AKR7A2: variants seen among roughly 807,000 people sequenced by gnomAD.
The protein encoded by AKR7A2 is aflatoxin B1 aldehyde reductase member 2.
A neutral mutation model predicts 37.3 loss-of-function variants in AKR7A2; 29 were observed. The observed-to-expected ratio is 0.78, with a 90% confidence interval of 0.58 to 1.06. The LOEUF is 1.06. Among genes scored for constraint, AKR7A2 ranks in the 50% least tolerant of loss-of-function variants. The probability of loss-of-function intolerance (pLI) is 0.00; values close to 1 mark genes in which losing one functional copy is unlikely to be tolerated. For missense variants in AKR7A2, 529 were observed against 497.9 expected (o/e 1.06, Z -0.59); for synonymous variants, 228 against 217.8 (o/e 1.05, Z -0.41).
chr1:19,302,886 T>C (rs556522570), downstream of AKR7A2, among the ~76,000 whole-genome samples: 1 of 152,138 alleles, frequency 6.6e-6, no homozygotes, highest in South Asian at 2.1e-4. Flanking sequence ...AGAGACAGGG[T>C]TTCACCATGT....
At position 19,311,940 on chromosome 1, in the gene AKR7A2, G is replaced by A. The variant is rs572987774; in HGVS notation, c.185C>T (p.Ala62Val). ...TTCGGTGTGGCCGCGCTCCAGAAAG[G>A]CGCGCACGGCCGCGGCGCTGGCGGG... Reference protein sequence around the residue: ...DAPASAAAVRAFLERGHTELD... With the variant: ...DAPASAAAVRVFLERGHTELD... The change falls in exon 1 of 7, where the codon GCC becomes GTC. Residue 62 changes from alanine to valine, a missense_variant. Ala to Val is a moderately conservative substitution (Grantham distance 64, BLOSUM62 0). Transcript: ENST00000235835. 3.4e-5 allele frequency: 55 copies of A among 1,601,858 alleles called. No individual in the cohort carries two copies. The Admixed American group carries it at 6.8e-4, about 20-fold the overall frequency.
chr1:19,307,890 G>A, intron 3 of AKR7A2: 1 of 572,894 alleles, frequency 1.7e-6, no homozygotes, highest in Non-Finnish European at 3.1e-6. Flanking sequence ...AGGGAGGAGG[G>A]CAGGGGAAAT....
At chr1:19,311,717 G>T in intron 1 of AKR7A2, 110 bp downstream of exon 1, 2 of 1,402,940 alleles carry the variant, frequency 1.4e-6, no homozygotes, top group East Asian at 2.4e-5. Flanking sequence ...TGGGGAGCGA[G>T]GGACGAATCC....
chr1:19,303,234 T>G (rs945954781), downstream of AKR7A2, among the ~76,000 whole-genome samples: 9 of 152,224 alleles, frequency 5.9e-5, no homozygotes, highest in Non-Finnish European at 8.8e-5. Context: ...GCCACTGTAC[T>G]CCGGTCTAGG....
chr1:19,306,204 C>T (rs2093761455), intron 5 of AKR7A2, 57 bp from the exon 6 acceptor site: 15 of 1,612,664 alleles, frequency 9.3e-6, no homozygotes, highest in East Asian at 2.2e-5. Flanking sequence ...CACTGGGAGC[C>T]GCAACCAAAT....
Position 19,308,533 on chromosome 1 carries a change from G to C in AKR7A2, c.408C>G (p.Asp136Glu). 6.2e-7 allele frequency: 1 copy of C among 1,614,212 alleles called. No homozygotes were observed. ...SLKRLQCPQV[D>E]LFYLHAPDHG... ...GGTCAGGTGCGTGTAGGTAGAAGAG[G>C]TCCACTTGGGGACACTGCAGCCTCT... Residue 136 changes from aspartate (D) to glutamate (E), a missense_variant, in exon 2 of 7, where the codon GAC (aspartate) becomes GAG (glutamate). Asp to Glu is a conservative substitution (Grantham distance 45). Transcript: ENST00000235835.
At chr1:19,306,262 G>A (rs2093761540) in intron 5 of AKR7A2, 115 bp from the exon 6 acceptor site, 1 of 1,460,696 alleles carries the variant, frequency 6.8e-7, no homozygotes, top group Non-Finnish European at 9.5e-7. Flanking sequence ...GCCCTGAGGG[G>A]CGGGTGTCCT....
At position 19,307,066 on chromosome 1, in the gene AKR7A2, T is replaced by C. The variant is rs1307632574; in HGVS notation, c.724A>G (p.Lys242Glu). ...CGGCCCACAGGCTGTTTCCCGTCCTTGTCCTCATACTTGTACTTGCCAGTC... is the reference window on the plus strand; with the variant it reads ...CGGCCCACAGGCTGTTTCCCGTCCTCGTCCTCATACTTGTACTTGCCAGTC... The part of the protein sequence containing the change: ...LLTGKYKYED[K>E]DGKQPVGRFF... The change falls in exon 5 of 7, where the codon AAG becomes GAG. Residue 242 changes from lysine (K) to glutamate (E), a missense_variant. Coordinates refer to ENST00000235835, the MANE Select transcript of AKR7A2 (RefSeq NM_003689.4). 5 of 1,614,098 alleles carry C rather than the reference T, an allele frequency of 3.1e-6. No individual in the cohort carries two copies. The East Asian group carries it at 1.1e-4, about 36-fold the overall frequency.
intron 6 of AKR7A2, among the ~76,000 whole-genome samples, 173 bp from the exon 7 acceptor site, chr1:19,304,559 C>T (rs1383484773): frequency 2.0e-5 from 3 of 152,060 alleles, no homozygotes; most frequent in South Asian, 2.1e-4. Context: ...ACTTGAAACC[C>T]GCATCCTTTC....
chr1:19,306,077 T>C lies in AKR7A2; in HGVS notation c.859A>G (p.Ser287Gly), dbSNP rs1420519791. 6.2e-7 allele frequency: 1 copy of C among 1,614,150 alleles called. No homozygotes were observed. Among genetic ancestry groups the C allele is most frequent in the Admixed American group, 1.7e-5 (1 of 60,020 alleles). ...EKALQAAYGA[S>G]APSVTSAALR... is the part of the protein sequence containing the mutation. The stretch of plus-strand genomic sequence containing the variant: ...GCAGCCGAGGTCACACTGGGGGCGC[T>C]GGCGCCATATGCGGCCTGCAGGGCC... Residue 287 changes from serine (S) to glycine (G), a missense_variant, in exon 6 of 7, where the codon AGC becomes GGC. Coordinates refer to ENST00000235835, the MANE Select transcript of AKR7A2 (RefSeq NM_003689.4).
At chr1:19,309,765 A>G (rs2093768857) in intron 1 of AKR7A2, among the ~76,000 whole-genome samples, 1 of 152,036 alleles carries the variant, frequency 6.6e-6, no homozygotes, top group South Asian at 2.1e-4. Context: ...CCTCTACAAA[A>G]ATAAAAATTA....
At chr1:19,310,125 G>A (rs905932484) in intron 1 of AKR7A2, among the ~76,000 whole-genome samples, 4 of 152,184 alleles carry the variant, frequency 2.6e-5, no homozygotes, top group African/African-American at 9.7e-5. Flanking sequence ...GTCTGGATTG[G>A]TTGGGGGATG....
chr1:19,307,436 A>C lies in AKR7A2; in HGVS notation c.592-26T>G, dbSNP rs376459238. 10 of 1,613,024 alleles carry C rather than the reference A, an allele frequency of 6.2e-6. No homozygotes were observed. The African/African-American group carries it at 8.0e-5, about 13-fold the overall frequency. ...CTGCAGGGAGAGGGACCCCGGGGAC[A>C]GGGTGGACATGTCAAGAGAAGGAAC... is the stretch of plus-strand genomic sequence containing the variant. On this transcript the variant is annotated intron_variant, in intron 3 of 6. Transcript: ENST00000235835.
In AKR7A2 at chr1:19,308,148, C is replaced by T. The variant is rs2231199; in HGVS notation, c.591+10G>A. Reference sequence around the variant, plus strand: ...CTGGAGACCTTGGCCTCTGCAGCCCCGGCCCTCACCTGGTACACAGTGGGC... The same window carrying T: ...CTGGAGACCTTGGCCTCTGCAGCCCTGGCCCTCACCTGGTACACAGTGGGC... On this transcript the variant is annotated intron_variant, in intron 3 of 6. Coordinates refer to ENST00000235835, the MANE Select transcript of AKR7A2 (RefSeq NM_003689.4). 7,622 of 1,613,926 alleles carry T rather than the reference C, an allele frequency of 4.7e-3. 315 individuals carry two copies. In the African/African-American group the frequency reaches 0.085, roughly 18 times the overall value.
intron 5 of AKR7A2, 29 bp from the exon 6 acceptor site, chr1:19,306,176 T>TCA (rs747956262): frequency 1.9e-5 from 31 of 1,614,000 alleles, no homozygotes; most frequent in Non-Finnish European, 2.5e-5. Context: ...AGCACAGGGG[T>TCA]CAGTACCATG....
chr1:19,312,142 G>C lies in AKR7A2; in HGVS notation c.-18C>G, dbSNP rs951751698. The stretch of plus-strand genomic sequence containing the variant: ...CTCAGCATAGCAGCGGCGCCTGCGC[G>C]TTGGGAGCCGGGGGCCCCGCCCATG... On this transcript the variant is annotated 5_prime_UTR_variant, in exon 1 of 7. Transcript: ENST00000235835. 53 of 1,229,410 alleles carry C rather than the reference G, an allele frequency of 4.3e-5. No individual in the cohort carries two copies. The African/African-American group carries it at 8.1e-4, about 19-fold the overall frequency. The allele number at this position is 1,229,410 out of a possible 1,614,324, so 76.2% of individuals were successfully genotyped here. A position where few individuals can be genotyped will look rare whatever the true frequency, so the allele number is the denominator to read the frequency against.
At position 19,304,301 on chromosome 1, in the gene AKR7A2, A is replaced by G; in HGVS notation, c.1004T>C (p.Leu335Pro). ...AAAGGCATCCACGACAGCCGGCTCCAGGGGCCCTTCCTCTGTTGCTGCCAA... is the reference window on the plus strand; with the variant it reads ...AAAGGCATCCACGACAGCCGGCTCCGGGGGCCCTTCCTCTGTTGCTGCCAA... ...QNLAATEEGP[L>P]EPAVVDAFNQ... The change falls in exon 7 of 7, where the codon CTG (leucine) becomes CCG (proline). Residue 335 changes from leucine (L) to proline (P), a missense_variant. By Grantham distance (98) the Leu-to-Pro change is moderately conservative. Coordinates refer to ENST00000235835, the MANE Select transcript of AKR7A2 (RefSeq NM_003689.4). 6.2e-7 allele frequency: 1 copy of G among 1,614,156 alleles called. No homozygotes were observed. Among genetic ancestry groups the G allele is most frequent in the Non-Finnish European group, 8.5e-7 (1 of 1,180,018 alleles).
chr1:19,311,742 C>T lies in AKR7A2; in HGVS notation c.298+85G>A, dbSNP rs945962669. ...GGGACGAATCCGTCGGTGCTGCCCG[C>T]GGCCGGGCCCGAGCGGGGTGGTGCA... is the stretch of plus-strand genomic sequence containing the variant. On this transcript the variant is annotated intron_variant, in intron 1 of 6. Coordinates refer to ENST00000235835, the MANE Select transcript of AKR7A2 (RefSeq NM_003689.4). 7.0e-6 allele frequency: 11 copies of T among 1,561,732 alleles called. No individual in the cohort carries two copies. The African/African-American group carries it at 9.5e-5, about 13-fold the overall frequency.
At chr1:19,311,708 G>T in intron 1 of AKR7A2, 119 bp downstream of exon 1, 1 of 1,298,252 alleles carries the variant, frequency 7.7e-7, no homozygotes, top group Admixed American at 2.0e-5. Context: ...GACCTGGGGT[G>T]GGGAGCGAGG....
Sources: gnomAD v4.1 joint callset for allele counts (sites outside exome capture counted in the v4.1 genomes callset) on GRCh38, gnomAD v4.1.1 for gene constraint, MANE v1.5 for transcripts, NCBI Gene and HGNC (gene_info 2026-07-23, HGNC 2026-07-21) for gene names.